BICD2: variants seen among roughly 807,000 people sequenced by gnomAD.
The protein encoded by BICD2 is protein bicaudal D homolog 2.
Under a neutral mutation model 72.9 loss-of-function variants are expected in BICD2, and 25 were observed. That is an observed-to-expected ratio of 0.34 (90% CI 0.25 to 0.48). The LOEUF is 0.48. BICD2 is among the 20% of genes least tolerant of loss of function. BICD2 has a pLI of 0.99. For synonymous variants in BICD2, 501 were observed against 516.1 expected, an observed-to-expected ratio of 0.97 and a Z score of 0.40; for missense variants, 894 against 1,175.2, an observed-to-expected ratio of 0.76 and a Z score of 3.50.
intron 2 of BICD2, among the ~76,000 whole-genome samples, chr9:92,726,300 G>T (rs952907177): frequency 6.6e-6 from 1 of 152,176 alleles, no homozygotes; most frequent in African/African-American, 2.4e-5. Context: ...AGGTCCTCAT[G>T]GTGTGTTGGG....
In BICD2 at chr9:92,717,748, A is replaced by G. The variant is rs1853346057; in HGVS notation, c.2258+49T>C. ...CTAAGGGTTCCAGAGGCAAGTGCTG[A>G]GGACAGCTGGCCTTGTGGAAGGGGA... On this transcript the variant is annotated intron_variant, in intron 6 of 6. Coordinates refer to ENST00000356884, the MANE Select transcript of BICD2 (RefSeq NM_001003800.2). 7 of 1,547,716 alleles carry G rather than the reference A, an allele frequency of 4.5e-6. No homozygotes were observed. The South Asian group carries it at 8.5e-5, about 19-fold the overall frequency.
At chr9:92,729,671 C>G (rs1262067713) in intron 1 of BICD2, among the ~76,000 whole-genome samples, 4 of 152,246 alleles carry the variant, frequency 2.6e-5, no homozygotes, top group Non-Finnish European at 5.9e-5. Context: ...CTGCCTGATG[C>G]TGGCTCATCC....
At position 92,719,019 on chromosome 9, in the gene BICD2, G is replaced by A; in HGVS notation, c.1626C>T (p.Cys542=). 6.2e-7 allele frequency: 1 copy of A among 1,612,306 alleles called. No homozygotes were observed. The highest frequency in any genetic ancestry group is 8.5e-7 in the Non-Finnish European group (1 of 1,179,970). ...EELANLYHHV[C]MCNNETPNRV... is the part of the protein sequence containing the mutation. ...GGTTGGGTGTCTCATTGTTGCACAT[G>A]CACACGTGGTGGTAGAGATTGGCCA... Residue 542 remains cysteine (C), a synonymous_variant, in exon 5 of 7, where the codon TGC becomes TGT. Coordinates refer to ENST00000356884, the MANE Select transcript of BICD2 (RefSeq NM_001003800.2).
intron 1 of BICD2, among the ~76,000 whole-genome samples, chr9:92,729,619 C>T (rs1033330085): frequency 3.9e-5 from 6 of 152,220 alleles, no homozygotes; most frequent in Non-Finnish European, 7.3e-5. Context: ...GATGGCACGC[C>T]GGCCACCACA....
chr9:92,729,865 C>T (rs113810280), intron 1 of BICD2, among the ~76,000 whole-genome samples: 5 of 152,238 alleles, frequency 3.3e-5, no homozygotes, highest in African/African-American at 9.6e-5. Flanking sequence ...GGGGGCTGCA[C>T]GTGGCAAAGA....
intron 3 of BICD2, 124 bp downstream of exon 3, chr9:92,722,532 C>T (rs1853484142): frequency 7.6e-7 from 1 of 1,321,270 alleles, no homozygotes; most frequent in East Asian, 2.5e-5. Context: ...TAAAGCTGGC[C>T]CTGGGCCTCG....
chr9:92,713,666 G>A lies in BICD2; in HGVS notation c.*1488C>T, dbSNP rs1048473382. The stretch of plus-strand genomic sequence containing the variant: ...TGGAGAGAAGCTATGTGCCAGGCTT[G>A]CAAGGAGAGGGCAAAGCGCATGCAG... On this transcript the variant is annotated 3_prime_UTR_variant, in exon 7 of 7. Coordinates refer to ENST00000356884, the MANE Select transcript of BICD2 (RefSeq NM_001003800.2). 1.4e-6 allele frequency: 2 copies of A among 1,439,676 alleles called. No homozygotes were observed. Among genetic ancestry groups the A allele is most frequent in the Non-Finnish European group, 1.8e-6 (2 of 1,091,660 alleles). 89.2% of individuals were successfully genotyped at this position (1,439,676 alleles called of 1,614,324 possible). A position where few individuals can be genotyped will look rare whatever the true frequency, so the allele number is the denominator to read the frequency against.
chr9:92,718,783 C>A lies in BICD2; in HGVS notation c.1862G>T (p.Arg621Leu). The change falls in exon 5 of 7, where the codon CGC becomes CTC. Residue 621 changes from arginine to leucine, a missense_variant. Coordinates refer to ENST00000356884, the MANE Select transcript of BICD2 (RefSeq NM_001003800.2). ...GTTGTAGATGTTCATGGGCTCCCGG[C>A]GTGGGTCACTCAGGGGTGATGGCAG... ...SSLPSPLSDP[R>L]REPMNIYNLI... The A allele has an allele frequency of 6.2e-7, 1 of 1,613,854 alleles. No individual in the cohort carries two copies. The highest frequency in any genetic ancestry group is 8.5e-7 in the Non-Finnish European group (1 of 1,179,936).
At chr9:92,715,505 A>G in intron 6 of BICD2, 42 bp from the exon 7 acceptor site, 1 of 1,545,584 alleles carries the variant, frequency 6.5e-7, no homozygotes, top group African/African-American at 1.4e-5. Flanking sequence ...GGCAGAGCCG[A>G]GCAGAGGAGG....
At chr9:92,735,598 C>G (rs1168369808) in intron 1 of BICD2, among the ~76,000 whole-genome samples, 1 of 151,376 alleles carries the variant, frequency 6.6e-6, no homozygotes, top group Admixed American at 6.6e-5. Flanking sequence ...GCAACCAGAC[C>G]CCAGGGCTTT....
intron 2 of BICD2, among the ~76,000 whole-genome samples, chr9:92,728,594 G>A (rs1853613778): frequency 6.6e-6 from 1 of 152,342 alleles, no homozygotes; most frequent in South Asian, 2.1e-4. Flanking sequence ...AATATTTGGG[G>A]TTTGTGTTCT....
chr9:92,748,153 C>A (rs992499641), intron 1 of BICD2, among the ~76,000 whole-genome samples: 9 of 152,152 alleles, frequency 5.9e-5, no homozygotes, highest in Non-Finnish European at 1.0e-4. Context: ...AGGGGACACA[C>A]CCCCGTGACT....
intron 1 of BICD2, among the ~76,000 whole-genome samples, chr9:92,729,616 C>T (rs1853640062): frequency 6.6e-6 from 1 of 152,242 alleles, no homozygotes; most frequent in Non-Finnish European, 1.5e-5. Flanking sequence ...CCAGATGGCA[C>T]GCCGGCCACC....
chr9:92,752,767 A>G (rs1198850320), intron 1 of BICD2, among the ~76,000 whole-genome samples: 4 of 152,232 alleles, frequency 2.6e-5, no homozygotes, highest in African/African-American at 9.6e-5. Flanking sequence ...AAATAAAATA[A>G]ATAAAATGAA....
intron 6 of BICD2, among the ~76,000 whole-genome samples, chr9:92,716,384 T>A (rs1465950170): frequency 6.6e-6 from 1 of 152,134 alleles, no homozygotes; most frequent in Non-Finnish European, 1.5e-5. Flanking sequence ...ACTGTGGGAT[T>A]TTTTCCCCAA....
At chr9:92,750,860 C>T (rs746686741) in intron 1 of BICD2, among the ~76,000 whole-genome samples, 18 of 152,234 alleles carry the variant, frequency 1.2e-4, no homozygotes, top group Non-Finnish European at 2.5e-4. Context: ...ATGTATCAAA[C>T]AACCTCACTG....
chr9:92,758,626 G>A (rs190670830), intron 1 of BICD2, among the ~76,000 whole-genome samples: 205 of 142,628 alleles, frequency 1.4e-3, no homozygotes, highest in African/African-American at 4.5e-3. Flanking sequence ...CAAGGCAGGC[G>A]GATCACCTGA....
intron 1 of BICD2, among the ~76,000 whole-genome samples, chr9:92,750,506 C>T (rs1472700092): frequency 2.0e-5 from 3 of 151,644 alleles, no homozygotes; most frequent in African/African-American, 7.3e-5. Flanking sequence ...ATCTTAAGTG[C>T]ATATTGCTAA....
chr9:92,727,368 A>G (rs560150280), intron 2 of BICD2, among the ~76,000 whole-genome samples: 1 of 152,320 alleles, frequency 6.6e-6, no homozygotes, highest in East Asian at 1.9e-4. Flanking sequence ...TGCTCCCACA[A>G]TGTGGGGTGA....
Sources: gnomAD v4.1 joint callset for allele counts (sites outside exome capture counted in the v4.1 genomes callset) on GRCh38, gnomAD v4.1.1 for gene constraint, MANE v1.5 for transcripts, NCBI Gene and HGNC (gene_info 2026-07-23, HGNC 2026-07-21) for gene names.